Variants in STPG2 observed in about 807,000 individuals in gnomAD.
STPG2 encodes the protein sperm tail PG-rich repeat containing 2.
In STPG2, 56 loss-of-function variants were observed where a neutral mutation model predicts 54.2. The observed-to-expected ratio is 1.03, with a 90% confidence interval of 0.83 to 1.29. STPG2 has a LOEUF of 1.29. Among genes scored for constraint, STPG2 ranks in the 50% most tolerant of loss-of-function variants. The pLI is 0.00. For missense variants in STPG2, 596 were observed against 544.9 expected (o/e 1.09, Z -0.93); for synonymous variants, 200 against 181.8 (o/e 1.10, Z -0.81).
At chr4:97,842,744 T>A (rs993394012) in intron 8 of STPG2, among the ~76,000 whole-genome samples, 1 of 151,888 alleles carries the variant, frequency 6.6e-6, no homozygotes, top group Admixed American at 6.6e-5. Context: ...TCAAACTAGT[T>A]CCTTAAATTC....
At chr4:97,520,592 T>C (rs551040051) in intron 4 of STPG2, among the ~76,000 whole-genome samples, 2 of 152,196 alleles carry the variant, frequency 1.3e-5, no homozygotes, top group African/African-American at 4.8e-5. Context: ...ATACTGGTTA[T>C]AGAATCTTTT....
intron 10 of STPG2, among the ~76,000 whole-genome samples, chr4:97,565,196 A>G (rs1308071795): frequency 6.6e-6 from 1 of 151,804 alleles, no homozygotes; most frequent in Non-Finnish European, 1.5e-5. Flanking sequence ...ATCTTCCATC[A>G]CTGATACCCT....
chr4:97,703,460 CTATA>C (rs1307917732), intron 10 of STPG2, among the ~76,000 whole-genome samples: 1 of 139,404 alleles, frequency 7.2e-6, no homozygotes, highest in Non-Finnish European at 1.5e-5. Context: ...TATACACACA[CTATA>C]TATATAGTAG....
chr4:98,143,463 G>C lies in STPG2; in HGVS notation c.-313C>G, dbSNP rs1351044192. Reference sequence around the variant, plus strand: ...TATTAGGGATTAGACGCTCGCCCCGGTGCTTCCGGCCCTGACTCCGCCCAC... The same window carrying C: ...TATTAGGGATTAGACGCTCGCCCCGCTGCTTCCGGCCCTGACTCCGCCCAC... On this transcript the variant is annotated 5_prime_UTR_variant, in exon 1 of 11. Coordinates refer to ENST00000295268, the MANE Select transcript of STPG2 (RefSeq NM_174952.3). 1.3e-5 allele frequency among the ~76,000 whole-genome samples: 2 copies of C among 152,170 alleles called. No homozygotes were observed. The highest frequency in any genetic ancestry group is 2.9e-5 in the Non-Finnish European group (2 of 68,028).
chr4:97,953,287 C>T (rs957602835), intron 7 of STPG2, among the ~76,000 whole-genome samples: 30 of 152,224 alleles, frequency 2.0e-4, no homozygotes, highest in Admixed American at 5.9e-4. Flanking sequence ...GGCAGTAAAC[C>T]CCGTCCAGCT....
At chr4:98,061,974 CT>C (rs1299858433) in intron 5 of STPG2, among the ~76,000 whole-genome samples, 3 of 152,126 alleles carry the variant, frequency 2.0e-5, no homozygotes, top group African/African-American at 7.2e-5. Context: ...ATAAATGATT[CT>C]ACCATAAAGA....
At chr4:97,984,837 A>G (rs1455244855) in intron 5 of STPG2, among the ~76,000 whole-genome samples, 1 of 151,540 alleles carries the variant, frequency 6.6e-6, no homozygotes, top group Admixed American at 6.6e-5. Flanking sequence ...CTACCAACAT[A>G]ATGTCAGCCA....
At chr4:97,823,990 C>G (rs1050324143) in intron 9 of STPG2, among the ~76,000 whole-genome samples, 7 of 152,154 alleles carry the variant, frequency 4.6e-5, no homozygotes, top group Non-Finnish European at 8.8e-5. Context: ...TGGCTAACAA[C>G]AGGTTTGGCA....
At chr4:97,533,228 A>G (rs891874258) in intron 4 of STPG2, among the ~76,000 whole-genome samples, 4 of 152,200 alleles carry the variant, frequency 2.6e-5, no homozygotes, top group African/African-American at 9.6e-5. Context: ...TTACATAAAG[A>G]GTCAAAAAAG....
intron 10 of STPG2, among the ~76,000 whole-genome samples, chr4:97,612,865 T>C (rs1733765350): frequency 6.6e-6 from 1 of 152,040 alleles, no homozygotes; most frequent in Admixed American, 6.6e-5. Flanking sequence ...TCATGAGCCT[T>C]AGGACAATGA....
intron 8 of STPG2, among the ~76,000 whole-genome samples, chr4:97,882,160 G>T (rs995931499): frequency 2.0e-5 from 3 of 152,124 alleles, no homozygotes; most frequent in Non-Finnish European, 4.4e-5. Flanking sequence ...GTGTGGGCTA[G>T]CTAGTGTAAG....
intron 9 of STPG2, among the ~76,000 whole-genome samples, chr4:97,790,425 G>T (rs1051555889): frequency 6.6e-6 from 1 of 152,154 alleles, no homozygotes; most frequent in African/African-American, 2.4e-5. Context: ...TTCTCTGCCT[G>T]TGTCTCACAA....
At chr4:97,860,324 G>T (rs1002987499) in intron 8 of STPG2, among the ~76,000 whole-genome samples, 5 of 151,900 alleles carry the variant, frequency 3.3e-5, no homozygotes, top group Admixed American at 6.6e-5. Flanking sequence ...GAGAAGTATG[G>T]TCATTTTCGG....
intron 10 of STPG2, among the ~76,000 whole-genome samples, chr4:97,616,057 A>ATATATATATATAT (rs1733858264): frequency 5.3e-5 from 2 of 37,394 alleles, no homozygotes; most frequent in African/African-American, 1.8e-4. Flanking sequence ...AATACATATA[A>ATATATATATATAT]ATATATATAT....
intron 10 of STPG2, among the ~76,000 whole-genome samples, chr4:97,630,183 G>A (rs1280952753): frequency 1.3e-5 from 2 of 151,766 alleles, no homozygotes; most frequent in Non-Finnish European, 1.5e-5. Flanking sequence ...ATTTTGCTGT[G>A]GAACTACAAA....
intron 3 of STPG2, 111 bp downstream of exon 3, chr4:98,128,317 C>G (rs760071934): frequency 2.8e-5 from 29 of 1,049,062 alleles, no homozygotes; most frequent in Non-Finnish European, 3.7e-5. Flanking sequence ...GTTCCATTAA[C>G]TAAAACGTGT....
At chr4:97,599,833 A>AAAAAG (rs59858612) in intron 10 of STPG2, among the ~76,000 whole-genome samples, 10,343 of 146,912 alleles carry the variant, frequency 0.07, 1,387 homozygotes, top group African/African-American at 0.26. Flanking sequence ...CAAAAAAAAA[A>AAAAAG]AAAAGAAAAG....
intron 8 of STPG2, among the ~76,000 whole-genome samples, chr4:97,882,914 T>A (rs1238730698): frequency 1.3e-5 from 2 of 151,920 alleles, no homozygotes; most frequent in Admixed American, 6.6e-5. Flanking sequence ...CATGTCTAGT[T>A]TTCAACCAAA....
At chr4:97,910,326 G>C (rs1031958803) in intron 8 of STPG2, among the ~76,000 whole-genome samples, 1 of 152,200 alleles carries the variant, frequency 6.6e-6, no homozygotes, top group Non-Finnish European at 1.5e-5. Flanking sequence ...TTATGGAAAG[G>C]TCGGGGAAAA....
Sources: allele counts gnomAD v4.1 joint callset (sites outside exome capture counted in the v4.1 genomes callset), GRCh38; gene constraint gnomAD v4.1.1; transcripts MANE v1.5; gene names NCBI Gene and HGNC (gene_info 2026-07-23, HGNC 2026-07-21).